Variants in SMARCA2 observed in about 807,000 individuals in gnomAD.
The protein encoded by SMARCA2 is SWI/SNF related BAF chromatin remodeling complex subunit ATPase 2, also known as SWI/SNF-related matrix-associated actin-dependent regulator of chromatin subfamily A member 2.
A neutral mutation model predicts 199.8 loss-of-function variants in SMARCA2; 61 were observed. That is an observed-to-expected ratio of 0.31 (90% CI 0.25 to 0.38). The LOEUF (loss-of-function observed/expected upper bound fraction) is 0.38. Among genes scored for constraint, SMARCA2 ranks in the 10% least tolerant of loss-of-function variants. The pLI, the probability that SMARCA2 is intolerant of heterozygous loss-of-function variation, is 1.00. For synonymous variants in SMARCA2, 935 were observed against 732.0 expected (o/e 1.28, Z -4.48); for missense variants, 1,344 against 2,012.2 (o/e 0.67, Z 6.35).
intron 1 of SMARCA2, among the ~76,000 whole-genome samples, chr9:2,024,362 A>G (rs1385462358): frequency 6.6e-6 from 1 of 151,994 alleles, no homozygotes; most frequent in African/African-American, 2.4e-5. Context: ...AGGATCTTTC[A>G]ATATTTTTAT....
intron 29 of SMARCA2, among the ~76,000 whole-genome samples, chr9:2,171,766 G>A (rs1826259955): frequency 6.6e-6 from 1 of 152,176 alleles, no homozygotes. Context: ...GAGGCCTTAG[G>A]GCTAAATGGC....
intron 24 of SMARCA2, among the ~76,000 whole-genome samples, chr9:2,113,675 C>G (rs1449655674): frequency 6.6e-6 from 1 of 152,188 alleles, no homozygotes; most frequent in African/African-American, 2.4e-5. Context: ...GCTACCACCA[C>G]CAAACGAAAC....
At chr9:2,137,312 C>T (rs965700756) in intron 27 of SMARCA2, among the ~76,000 whole-genome samples, 1 of 152,298 alleles carries the variant, frequency 6.6e-6, no homozygotes, top group African/African-American at 2.4e-5. Flanking sequence ...GATGACCACT[C>T]CTGCATCAGG....
Position 2,192,570 on chromosome 9 carries a change from C to G in SMARCA2, c.4738-134C>G, listed in dbSNP as rs992164140. On this transcript the variant is annotated intron_variant, in intron 33 of 33. Transcript: ENST00000349721. ...TGCCTCTTTAATGTGTTTCTGTCCT[C>G]CCACGGAAAGAGATTTGGCGAGTTG... The G allele has an allele frequency of 5.4e-6, 4 of 736,726 alleles. No homozygotes were observed. In the Admixed American group the frequency reaches 6.0e-5, roughly 11 times the overall value. 45.6% of individuals were successfully genotyped at this position (736,726 alleles called of 1,614,324 possible).
chr9:2,016,414 C>T lies in SMARCA2; in HGVS notation c.-37+1010C>T, dbSNP rs1439274257. On this transcript the variant is annotated intron_variant, in intron 1 of 33. Coordinates refer to ENST00000349721, the MANE Select transcript of SMARCA2 (RefSeq NM_003070.5). The surrounding 1 kb of genome is among the most constrained non-coding windows in gnomAD (Gnocchi z 5.6). ...CGCCAGCCTCCGTTACCCTGCCCTC[C>T]CTCTCCCCGGGTCCGTGTTCTTTTG... The T allele has an allele frequency of 6.6e-6, 1 of 152,340 alleles. No individual in the cohort carries two copies. Among genetic ancestry groups the T allele is most frequent in the Admixed American group, 6.5e-5 (1 of 15,284 alleles). The allele number at this position is 152,340 out of a possible 1,614,324, so 9.4% of individuals were successfully genotyped here.
Position 2,039,404 on chromosome 9 carries a change from G to A in SMARCA2, c.356-62G>A. 3 of 1,486,174 alleles carry A rather than the reference G, an allele frequency of 2.0e-6. No homozygotes were observed. The highest frequency in any genetic ancestry group is 2.3e-5 in the East Asian group (1 of 44,056). 92.1% of individuals were successfully genotyped at this position (1,486,174 alleles called of 1,614,324 possible). A position where few individuals can be genotyped will look rare whatever the true frequency, so the allele number is the denominator to read the frequency against. ...TGTGGACAATTATTAGAGTATTCAG[G>A]GATATCTCTCTTTCAGGGTTGTCAG... On this transcript the variant is annotated intron_variant, in intron 3 of 33. Coordinates refer to ENST00000349721, the MANE Select transcript of SMARCA2 (RefSeq NM_003070.5). This position sits in a 1 kb window ranked among gnomAD's most constrained non-coding sequence, Gnocchi z 4.8.
chr9:2,048,580 T>G (rs1229275581), intron 5 of SMARCA2, among the ~76,000 whole-genome samples: 1 of 152,252 alleles, frequency 6.6e-6, no homozygotes, highest in Admixed American at 6.5e-5. Flanking sequence ...AGCACATCAC[T>G]CATTTCTTAT....
At chr9:2,155,980 C>T (rs759160699) in intron 27 of SMARCA2, among the ~76,000 whole-genome samples, 1 of 151,730 alleles carries the variant, frequency 6.6e-6, no homozygotes, top group Admixed American at 6.6e-5. Context: ...GAACCACAGT[C>T]GGAGGAAAAA....
At chr9:2,148,031 C>T (rs1824857260) in intron 27 of SMARCA2, among the ~76,000 whole-genome samples, 1 of 151,660 alleles carries the variant, frequency 6.6e-6, no homozygotes, top group South Asian at 2.1e-4. Context: ...ACAAAGCATG[C>T]TGAGTTTACA....
intron 5 of SMARCA2, among the ~76,000 whole-genome samples, chr9:2,051,869 T>C (rs1820133772): frequency 6.6e-6 from 1 of 152,250 alleles, no homozygotes; most frequent in Admixed American, 6.5e-5. Flanking sequence ...ATAGTGGATT[T>C]TTTTCTTTAC....
At chr9:2,079,487 C>T (rs1456035192) in intron 14 of SMARCA2, among the ~76,000 whole-genome samples, 2 of 152,202 alleles carry the variant, frequency 1.3e-5, no homozygotes, top group Non-Finnish European at 2.9e-5. Flanking sequence ...GAAGCACTAG[C>T]AGTTTTTACC....
In SMARCA2 at chr9:2,190,013, TGA is replaced by T. The variant is rs146057148; in HGVS notation, c.4595-1248_4595-1247del. The stretch of plus-strand genomic sequence containing the variant: ...GGTAGTCTAGCAAAGCTAGCTTGAA[TGA>T]GAGACCCACATTTTCAGTGCCTTCA... On this transcript the variant is annotated intron_variant, in intron 32 of 33. Coordinates refer to ENST00000349721, the MANE Select transcript of SMARCA2 (RefSeq NM_003070.5). Among the ~76,000 whole-genome samples the T allele has an allele frequency of 8.6e-3, 1,315 of 152,328 alleles. 20 individuals are homozygous for T. The highest frequency in any genetic ancestry group is 0.03 in the African/African-American group (1,247 of 41,570).
chr9:2,095,990 C>G (rs1464172745), intron 19 of SMARCA2, among the ~76,000 whole-genome samples: 2 of 152,160 alleles, frequency 1.3e-5, no homozygotes, highest in African/African-American at 4.8e-5. Context: ...TTCCCCTTAA[C>G]TTTTTAAAAT....
chr9:2,097,010 C>G (rs776649083), intron 20 of SMARCA2: 9 of 526,198 alleles, frequency 1.7e-5, no homozygotes, highest in Non-Finnish European at 2.7e-5. Context: ...AATTTTGCAG[C>G]AAATATATTC....
Position 2,060,972 on chromosome 9 carries a change from A to C in SMARCA2, c.1678A>C (p.Arg560=). Residue 560 remains arginine, a synonymous_variant, in exon 9 of 34, where the codon AGG becomes CGG. Transcript: ENST00000349721. ...GGCAGCCAAAGAGAAGAAGAAGAGG[A>C]GGAGGAGGAAGAAGGTGCGTATCCT... ...AQAAKEKKKR[R]RRKKKAEENA... 1.2e-6 allele frequency: 2 copies of C among 1,613,832 alleles called. No homozygotes were observed. The highest frequency in any genetic ancestry group is 1.7e-6 in the Non-Finnish European group (2 of 1,179,840).
chr9:2,101,551 C>A lies in SMARCA2; in HGVS notation c.3079-19C>A. 1.5e-6 allele frequency: 2 copies of A among 1,378,470 alleles called. No individual in the cohort carries two copies. The highest frequency in any genetic ancestry group is 2.0e-6 in the Non-Finnish European group (2 of 992,046). 85.4% of individuals were successfully genotyped at this position (1,378,470 alleles called of 1,614,324 possible). On this transcript the variant is annotated intron_variant, in intron 21 of 33. Transcript: ENST00000349721. ...ATTACATTTTTTAAAATCATTCTTT[C>A]TATCTCTCTCTTTTAAAGGAATCCT...
In SMARCA2 at chr9:2,020,257, G is replaced by GT. The variant is rs546920891; in HGVS notation, c.-37+4862dup. ...ATGTAAAAGAATTATCTTCTAAATT[G>GT]TTTTTTTTTCCCCCTTAAATATTGT... On this transcript the variant is annotated intron_variant, in intron 1 of 33. Coordinates refer to ENST00000349721, the MANE Select transcript of SMARCA2 (RefSeq NM_003070.5). 2.1e-3 allele frequency among the ~76,000 whole-genome samples: 322 copies of GT among 150,866 alleles called. 3 individuals carry two copies. Among genetic ancestry groups the GT allele is most frequent in the African/African-American group, 7.0e-3 (287 of 41,098 alleles).
At chr9:2,076,881 G>A (rs1302208450) in intron 13 of SMARCA2, among the ~76,000 whole-genome samples, 1 of 152,028 alleles carries the variant, frequency 6.6e-6, no homozygotes, top group African/African-American at 2.4e-5. Flanking sequence ...TACGTCAAGG[G>A]TTTGCACATT....
At chr9:2,078,928 G>C (rs373597579) in intron 14 of SMARCA2, among the ~76,000 whole-genome samples, 29 of 152,002 alleles carry the variant, frequency 1.9e-4, no homozygotes, top group African/African-American at 6.8e-4. Context: ...CTCGGCAACA[G>C]AGTGAGACTC....
Sources: allele counts gnomAD v4.1 joint callset (sites outside exome capture counted in the v4.1 genomes callset), GRCh38; gene constraint gnomAD v4.1.1; non-coding constraint Gnocchi (gnomAD v3.1); transcripts MANE v1.5; gene names NCBI Gene and HGNC (gene_info 2026-07-23, HGNC 2026-07-21).